CAPNS1: variants seen among roughly 807,000 people sequenced by gnomAD.
The protein encoded by CAPNS1 is CANP small subunit.
In CAPNS1, 32 loss-of-function variants were observed where a neutral mutation model predicts 39.2. That is an observed-to-expected ratio of 0.82 (90% CI 0.62 to 1.10). The LOEUF (loss-of-function observed/expected upper bound fraction) is 1.10. Among genes scored for constraint, CAPNS1 ranks in the 50% least tolerant of loss-of-function variants. CAPNS1 has a pLI of 0.00. For missense variants in CAPNS1, 353 were observed against 373.1 expected, an observed-to-expected ratio of 0.95 and a Z score of 0.44; for synonymous variants, 153 against 136.2, an observed-to-expected ratio of 1.12 and a Z score of -0.86.
At chr19:36,145,191 T>C (rs1974518731) in intron 6 of CAPNS1, among the ~76,000 whole-genome samples, 1 of 144,072 alleles carries the variant, frequency 6.9e-6, no homozygotes, top group Non-Finnish European at 1.5e-5. Flanking sequence ...TCAAGAATTT[T>C]CTTTTCTTTC....
In CAPNS1 at chr19:36,145,911, C is replaced by T. The variant is rs564284301; in HGVS notation, c.525+37C>T. ...CCTCTGAAATCCCTGGCACCCAGAC[C>T]CCCAAGCCATGGAGACACTATGCCC... On this transcript the variant is annotated intron_variant, in intron 7 of 10. Coordinates refer to ENST00000246533, the MANE Select transcript of CAPNS1 (RefSeq NM_001749.4). The T allele has an allele frequency of 4.3e-6, 7 of 1,612,774 alleles. No homozygotes were observed. The South Asian group carries it at 5.5e-5, about 13-fold the overall frequency.
intron 2 of CAPNS1, 139 bp downstream of exon 2, chr19:36,141,359 G>C: frequency 1.5e-6 from 2 of 1,362,126 alleles, no homozygotes; most frequent in South Asian, 3.7e-5. Flanking sequence ...AGGCCGGGGA[G>C]GCCTGGTTTG....
chr19:36,147,764 TAA>T lies in CAPNS1; in HGVS notation c.721+1463_721+1464del, dbSNP rs372416601. 5.6e-5 allele frequency among the ~76,000 whole-genome samples: 8 copies of T among 142,978 alleles called. No homozygotes were observed. In the East Asian group the frequency reaches 1.7e-3, roughly 30 times the overall value. 93.8% of individuals were successfully genotyped at this position (142,978 alleles called of 152,430 possible). A position where few individuals can be genotyped will look rare whatever the true frequency, so the allele number is the denominator to read the frequency against. Reference sequence around the variant, plus strand: ...TGGGTGACAGATCGAGACTCCGTCTTAAAAAAAAAAAATCCCTTGGCCTCCAG... The same window carrying T: ...TGGGTGACAGATCGAGACTCCGTCTTAAAAAAAAAATCCCTTGGCCTCCAG... On this transcript the variant is annotated intron_variant, in intron 9 of 10. Transcript: ENST00000246533.
At chr19:36,147,682 C>T (rs1974620519) in intron 9 of CAPNS1, among the ~76,000 whole-genome samples, 1 of 151,992 alleles carries the variant, frequency 6.6e-6, no homozygotes, top group Non-Finnish European at 1.5e-5. Flanking sequence ...GGGAGAATGG[C>T]ATGAACCCAG....
At position 36,143,078 on chromosome 19, in the gene CAPNS1, A is replaced by G. The variant is rs778193447; in HGVS notation, c.406A>G (p.Thr136Ala). The G allele has an allele frequency of 1.9e-6, 3 of 1,614,178 alleles. No homozygotes were observed. Among genetic ancestry groups the G allele is most frequent in the Non-Finnish European group, 2.5e-6 (3 of 1,180,030 alleles). Residue 136 changes from threonine (T) to alanine (A), a missense_variant, in exon 6 of 11, where the codon ACT (threonine) becomes GCT (alanine). Physicochemically the swap from Thr to Ala is moderately conservative, Grantham distance 58. Coordinates refer to ENST00000246533, the MANE Select transcript of CAPNS1 (RefSeq NM_001749.4). ...KVVTRHPDLK[T>A]DGFGIDTCRS... ...GTTACCCACAGACCCTGATCTGAAGACTGATGGTTTTGGCATTGACACATG... is the reference window on the plus strand; with the variant it reads ...GTTACCCACAGACCCTGATCTGAAGGCTGATGGTTTTGGCATTGACACATG...
chr19:36,141,143 C>CGGTGGT lies in CAPNS1; in HGVS notation c.134_135insTGGTGG (p.Gly55_Gly56dup). ...CCGGGGGCGGCGGCGGCGGCGGCGG[C>CGGTGGT]GGCGGCGGCGGTGGTGGAGGCGGCG... On this transcript the variant is annotated inframe_insertion, in exon 2 of 11. Coordinates refer to ENST00000246533, the MANE Select transcript of CAPNS1 (RefSeq NM_001749.4). 1 of 1,386,388 alleles carries CGGTGGT rather than the reference C, an allele frequency of 7.2e-7. No individual in the cohort carries two copies. The highest frequency in any genetic ancestry group is 2.7e-4 in the Middle Eastern group (1 of 3,708). 85.9% of individuals were successfully genotyped at this position (1,386,388 alleles called of 1,614,324 possible). A position where few individuals can be genotyped will look rare whatever the true frequency, so the allele number is the denominator to read the frequency against.
At chr19:36,144,160 G>A (rs1599879658) in intron 6 of CAPNS1, 1 of 136,080 alleles carries the variant, frequency 7.3e-6, no homozygotes, top group African/African-American at 2.8e-5. Context: ...CTAGGCGACA[G>A]AGAGAGACTC....
At position 36,145,964 on chromosome 19, in the gene CAPNS1, C is replaced by G. The variant is rs779155850; in HGVS notation, c.526-12C>G. ...CAATGCTCACTTGGACCCAATGTCT[C>G]TGTCCTCACAGGCCATATACAAACA... On this transcript the variant is annotated splice_polypyrimidine_tract_variant and intron_variant, in intron 7 of 10. Coordinates refer to ENST00000246533, the MANE Select transcript of CAPNS1 (RefSeq NM_001749.4). 3 of 1,614,118 alleles carry G rather than the reference C, an allele frequency of 1.9e-6. No homozygotes were observed. Among genetic ancestry groups the G allele is most frequent in the African/African-American group, 1.3e-5 (1 of 75,062 alleles).
chr19:36,148,922 C>G (rs1016149422), intron 9 of CAPNS1, among the ~76,000 whole-genome samples: 1 of 152,122 alleles, frequency 6.6e-6, no homozygotes, highest in East Asian at 1.9e-4. Context: ...GTCTAGATTC[C>G]CTGTGGGTGG....
chr19:36,147,072 C>T (rs1350765685), intron 9 of CAPNS1, among the ~76,000 whole-genome samples: 1 of 152,166 alleles, frequency 6.6e-6, no homozygotes, highest in Non-Finnish European at 1.5e-5. Flanking sequence ...TCTTGAACTC[C>T]TGGGCTCCAG....
chr19:36,146,287 C>T lies in CAPNS1; in HGVS notation c.696C>T (p.Cys232=). 6.2e-7 allele frequency: 1 copy of T among 1,613,062 alleles called. No individual in the cohort carries two copies. The highest frequency in any genetic ancestry group is 8.5e-7 in the Non-Finnish European group (1 of 1,179,028). ...TGGATTTTGACAACTTCATCAGCTG[C>T]TTGGTCAGGCTGGACGCCATGTTCC... ...GNMDFDNFIS[C]LVRLDAMFRA... The change falls in exon 9 of 11, where the codon TGC becomes TGT. Residue 232 remains cysteine, a synonymous_variant. Coordinates refer to ENST00000246533, the MANE Select transcript of CAPNS1 (RefSeq NM_001749.4).
At position 36,141,311 on chromosome 19, in the gene CAPNS1, A is replaced by C. The variant is rs1445779603; in HGVS notation, c.209+91A>C. On this transcript the variant is annotated intron_variant, in intron 2 of 10. Transcript: ENST00000246533. ...GGGAGGGGCGTGGTCTAAAAATAGA[A>C]TAGGATTAACCTGGAGGCTAACCTG... The C allele has an allele frequency of 9.9e-6, 14 of 1,419,040 alleles. No individual in the cohort carries two copies. In the East Asian group the frequency reaches 3.6e-4, roughly 36 times the overall value. The allele number at this position is 1,419,040 out of a possible 1,614,324, so 87.9% of individuals were successfully genotyped here. A position where few individuals can be genotyped will look rare whatever the true frequency, so the allele number is the denominator to read the frequency against.
At chr19:36,149,513 G>A in intron 9 of CAPNS1, 65 bp from the exon 10 acceptor site, 1 of 1,399,094 alleles carries the variant, frequency 7.1e-7, no homozygotes, top group Non-Finnish European at 9.4e-7. Flanking sequence ...TTTGTGTAAT[G>A]TTATTATGCC....
chr19:36,147,671 C>T (rs956781150), intron 9 of CAPNS1, among the ~76,000 whole-genome samples: 2 of 151,458 alleles, frequency 1.3e-5, no homozygotes, highest in Non-Finnish European at 2.9e-5. Flanking sequence ...GAGGCTGAGG[C>T]GGGAGAATGG....
Position 36,145,966 on chromosome 19 carries a change from G to A in CAPNS1, c.526-10G>A. The A allele has an allele frequency of 6.2e-7, 1 of 1,614,152 alleles. No individual in the cohort carries two copies. The highest frequency in any genetic ancestry group is 1.3e-5 in the African/African-American group (1 of 75,066). On this transcript the variant is annotated splice_polypyrimidine_tract_variant and intron_variant, in intron 7 of 10. Transcript: ENST00000246533. The stretch of plus-strand genomic sequence containing the variant: ...ATGCTCACTTGGACCCAATGTCTCT[G>A]TCCTCACAGGCCATATACAAACAGT...
At chr19:36,149,134 A>C (rs1800650) in intron 9 of CAPNS1, among the ~76,000 whole-genome samples, 70,602 of 152,080 alleles carry the variant, frequency 0.46, 16,886 homozygotes, top group East Asian at 0.69. Context: ...AGGGTAACAG[A>C]TTGGATTCCA....
intron 9 of CAPNS1, among the ~76,000 whole-genome samples, chr19:36,147,683 A>G (rs969279882): frequency 4.0e-5 from 6 of 151,726 alleles, no homozygotes; most frequent in African/African-American, 2.4e-5. Context: ...GGAGAATGGC[A>G]TGAACCCAGG....
At chr19:36,141,445 G>A (rs1422386728) in intron 2 of CAPNS1, 2 of 1,305,926 alleles carry the variant, frequency 1.5e-6, no homozygotes, top group Non-Finnish European at 1.9e-6. Context: ...TATGGGAGTA[G>A]TCTGATTGTG....
At chr19:36,149,160 C>CT (rs1405152158) in intron 9 of CAPNS1, among the ~76,000 whole-genome samples, 66 of 152,340 alleles carry the variant, frequency 4.3e-4, no homozygotes, top group Non-Finnish European at 3.8e-4. Flanking sequence ...GATTTCTTCA[C>CT]TTTCTTGCTA....
Sources: allele counts gnomAD v4.1 joint callset (sites outside exome capture counted in the v4.1 genomes callset), GRCh38; gene constraint gnomAD v4.1.1; transcripts MANE v1.5; gene names NCBI Gene and HGNC (gene_info 2026-07-23, HGNC 2026-07-21).